Variants in RHBDD1 observed in about 807,000 individuals in gnomAD.
RHBDD1 encodes rhomboid domain containing 1, also known as rhomboid-related protein 4.
RHBDD1 carries 38 observed loss-of-function variants against 36.3 expected under a neutral mutation model. The ratio of observed to expected loss-of-function variants is 1.05; its 90% CI spans 0.81 to 1.37. The LOEUF (loss-of-function observed/expected upper bound fraction) is 1.37, where lower values mean the gene tolerates loss of function less well. RHBDD1 is among the 40% of genes most tolerant of loss of function. RHBDD1 has a pLI of 0.00. For synonymous variants in RHBDD1, 151 were observed against 136.5 expected (o/e 1.11, Z -0.74); for missense variants, 393 against 377.6 (o/e 1.04, Z -0.34).
intron 4 of RHBDD1, among the ~76,000 whole-genome samples, chr2:226,866,329 C>A (rs1263049078): frequency 1.3e-5 from 2 of 152,164 alleles, no homozygotes; most frequent in African/African-American, 4.8e-5. Flanking sequence ...CTTGGCCTCC[C>A]AAAGTGCTGG....
chr2:226,919,750 G>A (rs943588326), intron 8 of RHBDD1, among the ~76,000 whole-genome samples: 7 of 152,062 alleles, frequency 4.6e-5, no homozygotes, highest in Non-Finnish European at 1.0e-4. Context: ...TCAAAGTGGG[G>A]TTATGTGATC....
At chr2:226,830,679 T>G (rs1940719809), upstream of RHBDD1, among the ~76,000 whole-genome samples, 1 of 152,136 alleles carries the variant, frequency 6.6e-6, no homozygotes, top group African/African-American at 2.4e-5. Flanking sequence ...ATAAACTTTT[T>G]TTTATTTTTC....
chr2:226,935,620 C>G (rs959134575), intron 8 of RHBDD1, among the ~76,000 whole-genome samples: 1 of 143,758 alleles, frequency 7.0e-6, no homozygotes, highest in Admixed American at 7.1e-5. Flanking sequence ...TGAATCTGAT[C>G]AGATCTCAGT....
At chr2:226,963,998 A>G (rs1000983285) in intron 8 of RHBDD1, among the ~76,000 whole-genome samples, 1 of 152,034 alleles carries the variant, frequency 6.6e-6, no homozygotes, top group Non-Finnish European at 1.5e-5. Flanking sequence ...TCTCAGAAAA[A>G]TATTTTGTCA....
chr2:226,818,384 T>C, the RHBDD1 span, among the ~76,000 whole-genome samples: 1 of 150,724 alleles, frequency 6.6e-6, no homozygotes, highest in African/African-American at 2.4e-5. Context: ...GCCAGGATGG[T>C]CTTCATCTCC....
At chr2:226,886,568 A>C (rs1288409135) in intron 5 of RHBDD1, among the ~76,000 whole-genome samples, 1 of 152,222 alleles carries the variant, frequency 6.6e-6, no homozygotes, top group Non-Finnish European at 1.5e-5. Context: ...CGTCTCACAC[A>C]AAGATGACAA....
the RHBDD1 span, among the ~76,000 whole-genome samples, chr2:226,809,877 C>A: frequency 6.6e-6 from 1 of 152,072 alleles, no homozygotes; most frequent in Non-Finnish European, 1.5e-5. Flanking sequence ...ATACCAACAC[C>A]TAGTTTTAAG....
At chr2:226,991,422 C>T (rs1298219741) in intron 8 of RHBDD1, among the ~76,000 whole-genome samples, 7 of 152,156 alleles carry the variant, frequency 4.6e-5, no homozygotes, top group Non-Finnish European at 1.0e-4. Flanking sequence ...CCTCGTGAAC[C>T]GCCCGCCTCA....
At chr2:226,820,743 C>G in the RHBDD1 span, among the ~76,000 whole-genome samples, 1 of 151,768 alleles carries the variant, frequency 6.6e-6, no homozygotes, top group Non-Finnish European at 1.5e-5. Context: ...ATTGCATGAG[C>G]CCTGGAGTTT....
intron 8 of RHBDD1, among the ~76,000 whole-genome samples, chr2:226,917,113 A>T (rs906040485): frequency 6.6e-6 from 1 of 152,104 alleles, no homozygotes. Context: ...TTAAGTTAAT[A>T]TAAGTCATTA....
At chr2:226,963,152 T>G (rs1271593103) in intron 8 of RHBDD1, among the ~76,000 whole-genome samples, 1 of 148,092 alleles carries the variant, frequency 6.8e-6, no homozygotes, top group Non-Finnish European at 1.5e-5. Flanking sequence ...CACCCCTGGT[T>G]GAGAACCGCT....
At chr2:226,826,084 A>G in the RHBDD1 span, among the ~76,000 whole-genome samples, 1 of 152,208 alleles carries the variant, frequency 6.6e-6, no homozygotes, top group Non-Finnish European at 1.5e-5. Context: ...AATAATAATG[A>G]GTTGTAACAA....
chr2:226,968,262 CAT>C lies in RHBDD1; in HGVS notation c.857-27164_857-27163del, dbSNP rs546593145. Among the ~76,000 whole-genome samples, 401 of 152,228 alleles carry C rather than the reference CAT, an allele frequency of 2.6e-3. 1 individual carries two copies. Among genetic ancestry groups the C allele is most frequent in the South Asian group, 6.4e-3 (31 of 4,822 alleles). On this transcript the variant is annotated intron_variant, in intron 8 of 8. Coordinates refer to ENST00000392062, the MANE Select transcript of RHBDD1 (RefSeq NM_001167608.3). ...AACCAGGAGACAAAACCAGTGGAGACATATATTAAGAGCTATTATTGCAAGGA... is the reference window on the plus strand; with the variant it reads ...AACCAGGAGACAAAACCAGTGGAGACATATTAAGAGCTATTATTGCAAGGA...
At chr2:226,847,997 A>G (rs1374541651) in intron 3 of RHBDD1, among the ~76,000 whole-genome samples, 1 of 152,206 alleles carries the variant, frequency 6.6e-6, no homozygotes, top group Non-Finnish European at 1.5e-5. Context: ...GGTAGGAGAA[A>G]GTTGGAGAAG....
the RHBDD1 span, among the ~76,000 whole-genome samples, chr2:226,827,194 A>G: frequency 2.0e-5 from 3 of 151,626 alleles, no homozygotes; most frequent in Non-Finnish European, 4.4e-5. Flanking sequence ...CAAACTCCTG[A>G]GCTTAAACGA....
chr2:226,970,574 CAG>C (rs1418794974), intron 8 of RHBDD1, among the ~76,000 whole-genome samples: 3 of 152,206 alleles, frequency 2.0e-5, no homozygotes, highest in South Asian at 2.1e-4. Context: ...TTTCTCTTCT[CAG>C]GGGCTGCTCA....
At chr2:226,891,696 C>T (rs1428389010) in intron 5 of RHBDD1, among the ~76,000 whole-genome samples, 2 of 152,154 alleles carry the variant, frequency 1.3e-5, no homozygotes, top group Non-Finnish European at 2.9e-5. Context: ...AGTATCTGTA[C>T]CCAACCAATA....
intron 3 of RHBDD1, among the ~76,000 whole-genome samples, chr2:226,847,341 C>T (rs1942331417): frequency 6.6e-6 from 1 of 152,154 alleles, no homozygotes; most frequent in South Asian, 2.1e-4. Flanking sequence ...TTTAAAATAC[C>T]TTTCTTTCAT....
At chr2:226,800,364 C>T in the RHBDD1 span, 1 of 152,306 alleles carries the variant, frequency 6.6e-6, no homozygotes, top group Admixed American at 6.5e-5. Flanking sequence ...ACTTCTGGGC[C>T]AGCCTTCCAC....
Sources: allele counts gnomAD v4.1 joint callset (sites outside exome capture counted in the v4.1 genomes callset), GRCh38; gene constraint gnomAD v4.1.1; transcripts MANE v1.5; gene names NCBI Gene and HGNC (gene_info 2026-07-23, HGNC 2026-07-21).